Variants in CADM2 observed in about 807,000 individuals in gnomAD.
The protein encoded by CADM2 is immunoglobulin superfamily member 4D.
Under a neutral mutation model 49.8 loss-of-function variants are expected in CADM2, and 12 were observed. The ratio of observed to expected loss-of-function variants is 0.24; its 90% confidence interval spans 0.15 to 0.39. CADM2 has a LOEUF of 0.39. Ranked by LOEUF, CADM2 falls within the 10% of genes least tolerant of loss-of-function variation. The pLI is 1.00. For synonymous variants in CADM2, 214 were observed against 175.4 expected (o/e 1.22, Z -1.74); for missense variants, 378 against 492.3 (o/e 0.77, Z 2.20).
intron 1 of CADM2, among the ~76,000 whole-genome samples, chr3:85,420,961 G>A (rs2036141707): frequency 6.6e-6 from 1 of 152,048 alleles, no homozygotes. Context: ...AAATTCACTT[G>A]CCATAGCAAT....
At position 85,436,662 on chromosome 3, in the gene CADM2, A is replaced by T. The variant is rs367722385; in HGVS notation, c.62-289860A>T. Among the ~76,000 whole-genome samples the T allele has an allele frequency of 1.2e-4, 19 of 152,314 alleles. No individual in the cohort carries two copies. The South Asian group carries it at 3.7e-3, about 30-fold the overall frequency. ...GAATAAATTTGAAAGTGAAAGCAGA[A>T]ATTCTATAAATCAAACATTTTAAAG... On this transcript the variant is annotated intron_variant, in intron 1 of 9. Transcript: ENST00000383699.
intron 1 of CADM2, among the ~76,000 whole-genome samples, chr3:85,021,172 C>T (rs930901530): frequency 2.1e-5 from 3 of 145,982 alleles, no homozygotes; most frequent in Admixed American, 2.0e-4. Flanking sequence ...AAAGAAGAAA[C>T]GTGAAAAAGC....
chr3:85,264,265 C>T (rs576349101), intron 1 of CADM2, among the ~76,000 whole-genome samples: 66 of 152,110 alleles, frequency 4.3e-4, no homozygotes, highest in Non-Finnish European at 8.5e-4. Context: ...AACACCCAAA[C>T]CTATGCTCAT....
rs563774386 is a variant in CADM2, at chr3:85,577,802, A to G, written c.62-148720A>G. On this transcript the variant is annotated intron_variant, in intron 1 of 9. Transcript: ENST00000383699. ...ACAAGTAAAGTTTTTAAATTGCCCT[A>G]TAACTATTATTTTATAAACCTTTCT... Among the ~76,000 whole-genome samples the G allele has an allele frequency of 1.1e-4, 17 of 152,168 alleles. No homozygotes were observed. In the East Asian group the frequency reaches 1.5e-3, roughly 14 times the overall value.
intron 6 of CADM2, among the ~76,000 whole-genome samples, chr3:85,920,862 A>G (rs573190253): frequency 1.2e-4 from 18 of 151,554 alleles, no homozygotes; most frequent in Non-Finnish European, 2.4e-4. Flanking sequence ...TTAAAAGATA[A>G]TAAATGTATA....
intron 6 of CADM2, among the ~76,000 whole-genome samples, chr3:85,934,597 A>T (rs2108535928): frequency 6.6e-6 from 1 of 152,224 alleles, no homozygotes; most frequent in Non-Finnish European, 1.5e-5. Flanking sequence ...TAAGGAATTA[A>T]AGGAGAATGC....
chr3:85,434,612 T>C (rs1369134230), intron 1 of CADM2, among the ~76,000 whole-genome samples: 1 of 152,158 alleles, frequency 6.6e-6, no homozygotes, highest in African/African-American at 2.4e-5. Context: ...TTTTCTCTTT[T>C]GTTTTTATGC....
chr3:86,023,391 T>A, intron 8 of CADM2, among the ~76,000 whole-genome samples: 1 of 146,844 alleles, frequency 6.8e-6, no homozygotes, highest in East Asian at 2.0e-4. Flanking sequence ...TGTTTTGTTT[T>A]GTTTTTTTGA....
chr3:85,931,353 C>G (rs1577694840), intron 6 of CADM2, among the ~76,000 whole-genome samples: 3 of 152,128 alleles, frequency 2.0e-5, no homozygotes, highest in South Asian at 4.2e-4. Flanking sequence ...GCTGCAGGAT[C>G]GATCATGTGA....
chr3:85,638,699 T>G (rs899367883), intron 1 of CADM2, among the ~76,000 whole-genome samples: 3 of 152,148 alleles, frequency 2.0e-5, no homozygotes, highest in Non-Finnish European at 4.4e-5. Flanking sequence ...TTTAAATGCC[T>G]TAATCATTCC....
chr3:85,301,746 A>C (rs1230955742), intron 1 of CADM2, among the ~76,000 whole-genome samples: 7 of 152,158 alleles, frequency 4.6e-5, no homozygotes, highest in African/African-American at 1.7e-4. Flanking sequence ...GGCATTCTGC[A>C]AAGCAGCTCA....
At chr3:85,614,344 A>T (rs949188012) in intron 1 of CADM2, among the ~76,000 whole-genome samples, 2 of 151,748 alleles carry the variant, frequency 1.3e-5, no homozygotes, top group Admixed American at 1.3e-4. Context: ...GATTTTTTAT[A>T]GTTAATATGT....
intron 1 of CADM2, among the ~76,000 whole-genome samples, chr3:85,211,660 C>A (rs1281733842): frequency 1.3e-5 from 2 of 152,068 alleles, no homozygotes; most frequent in Non-Finnish European, 2.9e-5. Flanking sequence ...GAGATAATTT[C>A]AATTTTTTAA....
In CADM2 at chr3:85,542,144, GTC is replaced by G. The variant is rs1301472076; in HGVS notation, c.62-184373_62-184372del. Among the ~76,000 whole-genome samples the G allele has an allele frequency of 2.0e-5, 3 of 151,906 alleles. No individual in the cohort carries two copies. The East Asian group carries it at 5.8e-4, about 29-fold the overall frequency. On this transcript the variant is annotated intron_variant, in intron 1 of 9. Coordinates refer to ENST00000383699, the MANE Select transcript of CADM2 (RefSeq NM_001167675.2). ...GACATTGCTTCCAGGTTTTAGAGCT[GTC>G]TCTCACCCATTGAGCCACAAAAAGT...
At chr3:85,514,779 A>T (rs2060854257) in intron 1 of CADM2, among the ~76,000 whole-genome samples, 1 of 152,106 alleles carries the variant, frequency 6.6e-6, no homozygotes, top group African/African-American at 2.4e-5. Context: ...ATCTTACTTG[A>T]AGCTTGAAAT....
intron 1 of CADM2, among the ~76,000 whole-genome samples, chr3:85,219,508 T>C (rs2042000731): frequency 1.3e-5 from 2 of 152,168 alleles, no homozygotes; most frequent in Admixed American, 1.3e-4. Context: ...ATATACATTA[T>C]TTTTATATAA....
intron 3 of CADM2, among the ~76,000 whole-genome samples, chr3:85,868,119 A>T (rs2075790439): frequency 1.3e-5 from 2 of 152,076 alleles, no homozygotes; most frequent in Non-Finnish European, 2.9e-5. Context: ...TTAAAAATTC[A>T]GAAAAGCTCA....
chr3:85,177,459 T>C (rs925988015), intron 1 of CADM2, among the ~76,000 whole-genome samples: 3 of 152,126 alleles, frequency 2.0e-5, no homozygotes, highest in East Asian at 1.9e-4. Context: ...GCAAACCCTA[T>C]AGGTAATTTC....
At chr3:85,554,882 ATT>A (rs902390475) in intron 1 of CADM2, among the ~76,000 whole-genome samples, 1 of 30,976 alleles carries the variant, frequency 3.2e-5, no homozygotes, top group African/African-American at 5.5e-5. Flanking sequence ...TTTTATTTTT[ATT>A]TTTTTTTTTT....
Sources: allele counts gnomAD v4.1 joint callset (sites outside exome capture counted in the v4.1 genomes callset), GRCh38; gene constraint gnomAD v4.1.1; transcripts MANE v1.5; gene names NCBI Gene and HGNC (gene_info 2026-07-23, HGNC 2026-07-21).